Variants in TTC38 observed in about 807,000 individuals in gnomAD.
TTC38 encodes tetratricopeptide repeat protein 38.
TTC38 carries 64 observed loss-of-function variants against 64.2 expected under a neutral mutation model. The observed-to-expected ratio is 1.00, with a 90% CI of 0.81 to 1.23. The LOEUF (loss-of-function observed/expected upper bound fraction) is 1.23, where lower values mean the gene tolerates loss of function less well. Among genes scored for constraint, TTC38 ranks in the 50% most tolerant of loss-of-function variants. The pLI is 0.00. For synonymous variants in TTC38, 254 were observed against 249.3 expected (o/e 1.02, Z -0.18); for missense variants, 573 against 615.5 (o/e 0.93, Z 0.73).
rs1245106358 is a variant in TTC38, at chr22:46,275,295, AC to A, written c.416del (p.Pro139ArgfsTer7). On this transcript the variant is annotated frameshift_variant, in exon 5 of 14. Transcript: ENST00000381031. LOFTEE classifies it high-confidence loss of function. The surrounding 1 kb of genome is among the most constrained non-coding windows in gnomAD (Gnocchi z 4.5). ...CTATGGGAACAGATTCTCCAGGACC[AC>A]CCGACAGACATGTTGGCCCTGAAAT... is the stretch of plus-strand genomic sequence containing the variant. ...CELWEQILQD[H>X]PTDMLALKFS... 6.2e-7 allele frequency: 1 copy of A among 1,614,140 alleles called. No homozygotes were observed. Among genetic ancestry groups the A allele is most frequent in the South Asian group, 1.1e-5 (1 of 91,078 alleles).
Position 46,289,743 on chromosome 22 carries a change from A to G in TTC38, c.1243-83A>G, listed in dbSNP as rs2077599555. 6 of 1,522,602 alleles carry G rather than the reference A, an allele frequency of 3.9e-6. No individual in the cohort carries two copies. The Admixed American group carries it at 1.0e-4, about 25-fold the overall frequency. The allele number at this position is 1,522,602 out of a possible 1,614,324, so 94.3% of individuals were successfully genotyped here. On this transcript the variant is annotated intron_variant, in intron 12 of 13. Coordinates refer to ENST00000381031, the MANE Select transcript of TTC38 (RefSeq NM_017931.4). Reference sequence around the variant, plus strand: ...GGCATCAACACCACTGTCTCCCTGGAGAGCAGGCAGCCCGCGGTGGGCGGG... The same window carrying G: ...GGCATCAACACCACTGTCTCCCTGGGGAGCAGGCAGCCCGCGGTGGGCGGG...
rs1261263039 is a variant in TTC38, at chr22:46,292,579, G to A, written c.1317-212G>A. Among the ~76,000 whole-genome samples the A allele has an allele frequency of 2.0e-5, 3 of 152,270 alleles. No homozygotes were observed. Among genetic ancestry groups the A allele is most frequent in the East Asian group, 3.9e-4 (2 of 5,180 alleles). On this transcript the variant is annotated intron_variant, in intron 13 of 13. Transcript: ENST00000381031. This position sits in a 1 kb window ranked among gnomAD's most constrained non-coding sequence, Gnocchi z 6.5. ...ACTGCCACCTGTTGTGCCCCATCTC[G>A]GGTGTGGCTTCCTGCACTGGAGGTC...
Position 46,289,454 on chromosome 22 carries a change from C to T in TTC38, c.1135C>T (p.Leu379=). The change falls in exon 12 of 14, where the codon CTG becomes TTG. Residue 379 remains leucine, a synonymous_variant. Coordinates refer to ENST00000381031, the MANE Select transcript of TTC38 (RefSeq NM_017931.4). ...HLLARDVGLP[L]CQALVEAEDG... Reference sequence around the variant, plus strand: ...CCTGGCCCGAGACGTGGGGCTGCCCCTGTGCCAGGCCCTGGTGGAGGCTGA... The same window carrying T: ...CCTGGCCCGAGACGTGGGGCTGCCCTTGTGCCAGGCCCTGGTGGAGGCTGA... 6.2e-7 allele frequency: 1 copy of T among 1,609,744 alleles called. No individual in the cohort carries two copies.
At position 46,291,311 on chromosome 22, in the gene TTC38, G is replaced by A. The variant is rs2077613268; in HGVS notation, c.1316+1412G>A. Reference sequence around the variant, plus strand: ...AAGTGGCTGTGTGGACAGGAGGGCTGAGGATGGAGCTGGGGTGACATCTGT... The same window carrying A: ...AAGTGGCTGTGTGGACAGGAGGGCTAAGGATGGAGCTGGGGTGACATCTGT... On this transcript the variant is annotated intron_variant, in intron 13 of 13. Transcript: ENST00000381031. The surrounding 1 kb of genome is among the most constrained non-coding windows in gnomAD (Gnocchi z 4.6). Among the ~76,000 whole-genome samples, 1 of 152,228 alleles carries A rather than the reference G, an allele frequency of 6.6e-6. No homozygotes were observed. The highest frequency in any genetic ancestry group is 2.4e-5 in the African/African-American group (1 of 41,454).
In TTC38 at chr22:46,293,531, G is replaced by C. The variant is rs2077631758; in HGVS notation, c.*647G>C. The C allele has an allele frequency of 6.6e-6, 1 of 152,282 alleles. No individual in the cohort carries two copies. Among genetic ancestry groups the C allele is most frequent in the Non-Finnish European group, 1.5e-5 (1 of 68,120 alleles). 9.4% of individuals were successfully genotyped at this position (152,282 alleles called of 1,614,324 possible). ...TTCTGCTGTCTCTGGGGCGAGTCTT[G>C]GAGCCCCCTGGGGGGCTCTGTTGGT... On this transcript the variant is annotated 3_prime_UTR_variant, in exon 14 of 14. Transcript: ENST00000381031. The surrounding 1 kb of genome is among the most constrained non-coding windows in gnomAD (Gnocchi z 6.6).
In TTC38 at chr22:46,292,098, G is replaced by A. The variant is rs2077620500; in HGVS notation, c.1317-693G>A. ...GCTGAGGCCTCTCTTCCTGGCTTGT[G>A]GACAGCCACTTTCTTGCTGTGTCCT... On this transcript the variant is annotated intron_variant, in intron 13 of 13. Transcript: ENST00000381031. The surrounding 1 kb of genome is among the most constrained non-coding windows in gnomAD (Gnocchi z 6.5). The A allele has an allele frequency of 2.8e-5, 10 of 356,914 alleles. No individual in the cohort carries two copies. Among genetic ancestry groups the A allele is most frequent in the Non-Finnish European group, 2.7e-5 (5 of 182,794 alleles). The allele number at this position is 356,914 out of a possible 1,614,324, so 22.1% of individuals were successfully genotyped here. A position where few individuals can be genotyped will look rare whatever the true frequency, so the allele number is the denominator to read the frequency against.
intron 6 of TTC38, among the ~76,000 whole-genome samples, chr22:46,279,551 C>T (rs1569019991): frequency 6.6e-6 from 1 of 152,374 alleles, no homozygotes; most frequent in East Asian, 1.9e-4. Context: ...CAGGCCCTGC[C>T]TCCCAACATC....
intron 7 of TTC38, 58 bp from the exon 8 acceptor site, chr22:46,283,915 T>G: frequency 7.7e-7 from 1 of 1,293,408 alleles, no homozygotes; most frequent in South Asian, 1.3e-5. Flanking sequence ...ACAACATTTG[T>G]TTTTTTCCCA....
intron 9 of TTC38, among the ~76,000 whole-genome samples, 190 bp from the exon 10 acceptor site, chr22:46,286,883 C>T (rs938221103): frequency 6.6e-6 from 1 of 152,100 alleles, no homozygotes; most frequent in Non-Finnish European, 1.5e-5. Flanking sequence ...CCTGGTGACC[C>T]CTCTAGTGCT....
chr22:46,278,589 T>C lies in TTC38; in HGVS notation c.543T>C (p.Tyr181=), dbSNP rs1213518086. The C allele has an allele frequency of 1.9e-6, 3 of 1,613,878 alleles. No homozygotes were observed. The highest frequency in any genetic ancestry group is 1.1e-5 in the South Asian group (1 of 91,074). Residue 181 remains tyrosine (Y), a synonymous_variant, in exon 6 of 14, where the codon TAT becomes TAC. Coordinates refer to ENST00000381031, the MANE Select transcript of TTC38 (RefSeq NM_017931.4). ...AGATCTTTTTTTCTGTTTTTAGCTA[T>C]GTGAAAGGCATCTACTCTTTTGGCT... ...FWTPDIPLSS[Y]VKGIYSFGLM...
intron 11 of TTC38, among the ~76,000 whole-genome samples, chr22:46,288,955 G>A (rs1396385684): frequency 6.6e-6 from 1 of 152,210 alleles, no homozygotes; most frequent in African/African-American, 2.4e-5. Flanking sequence ...AGGTGCTTCT[G>A]TGCTCTGAAC....
At position 46,286,617 on chromosome 22, in the gene TTC38, C is replaced by T. The variant is rs74347953; in HGVS notation, c.835-456C>T. On this transcript the variant is annotated intron_variant, in intron 9 of 13. Transcript: ENST00000381031. ...CGGAGGTTGCAGTTAGCCAAGCTTGCGCCATTTGCACTCCAGCCTGGGCGA... is the reference window on the plus strand; with the variant it reads ...CGGAGGTTGCAGTTAGCCAAGCTTGTGCCATTTGCACTCCAGCCTGGGCGA... Among the ~76,000 whole-genome samples, 742 of 150,794 alleles carry T rather than the reference C, an allele frequency of 4.9e-3. 7 individuals are homozygous for T. The highest frequency in any genetic ancestry group is 0.017 in the African/African-American group (679 of 41,034).
Position 46,274,750 on chromosome 22 carries a change from T to A in TTC38, c.366-498T>A, listed in dbSNP as rs951161939. 6.7e-5 allele frequency among the ~76,000 whole-genome samples: 10 copies of A among 149,974 alleles called. No individual in the cohort carries two copies. The highest frequency in any genetic ancestry group is 2.0e-4 in the African/African-American group (8 of 39,578). ...TGTTAAACCAGTTTTTTTTTTTTTT[T>A]AAATTGAACTAAAGAGTAAAAGTTC... On this transcript the variant is annotated intron_variant, in intron 4 of 13. Coordinates refer to ENST00000381031, the MANE Select transcript of TTC38 (RefSeq NM_017931.4). The surrounding 1 kb of genome is among the most constrained non-coding windows in gnomAD (Gnocchi z 4.8).
At chr22:46,278,522 G>A in intron 5 of TTC38, 64 bp from the exon 6 acceptor site, 5 of 1,392,308 alleles carry the variant, frequency 3.6e-6, no homozygotes, top group South Asian at 1.2e-5. Flanking sequence ...TCTTTGCGGG[G>A]ACACAGTTCA....
At position 46,283,956 on chromosome 22, in the gene TTC38, T is replaced by C. The variant is rs758960885; in HGVS notation, c.736-17T>C. On this transcript the variant is annotated splice_polypyrimidine_tract_variant and intron_variant, in intron 7 of 13. Transcript: ENST00000381031. The stretch of plus-strand genomic sequence containing the variant: ...CTTCAGACTTTTCATAAATTCTCTT[T>C]TTTTTTTTTTCTCCAGGACTCTGAT... The C allele has an allele frequency of 1.3e-6, 2 of 1,566,100 alleles. No homozygotes were observed. The highest frequency in any genetic ancestry group is 2.3e-5 in the East Asian group (1 of 44,246).
chr22:46,288,340 G>T, intron 10 of TTC38, 83 bp from the exon 11 acceptor site: 1 of 1,444,912 alleles, frequency 6.9e-7, no homozygotes, highest in African/African-American at 1.4e-5. Context: ...GGCCTCCAAG[G>T]GAAGCGCCGT....
chr22:46,284,471 G>A (rs1014119957), intron 8 of TTC38, among the ~76,000 whole-genome samples: 7 of 152,194 alleles, frequency 4.6e-5, no homozygotes, highest in African/African-American at 1.2e-4. Flanking sequence ...TGTCCATAAA[G>A]TGAGAAATGC....
At position 46,270,967 on chromosome 22, in the gene TTC38, G is replaced by A. The variant is rs1248563326; in HGVS notation, c.112-1368G>A. Among the ~76,000 whole-genome samples the A allele has an allele frequency of 1.3e-5, 2 of 152,092 alleles. No individual in the cohort carries two copies. The highest frequency in any genetic ancestry group is 1.9e-4 in the East Asian group (1 of 5,188). On this transcript the variant is annotated intron_variant, in intron 2 of 13. Coordinates refer to ENST00000381031, the MANE Select transcript of TTC38 (RefSeq NM_017931.4). The surrounding 1 kb of genome is among the most constrained non-coding windows in gnomAD (Gnocchi z 4.7). ...GCAGAGGTTGCAGTGAGCCAAGATC[G>A]TGCCATTGCACTCCAGCCTGGGTGA...
In TTC38 at chr22:46,293,194, G is replaced by T; in HGVS notation, c.*310G>T. The T allele has an allele frequency of 2.9e-6, 1 of 342,686 alleles. No individual in the cohort carries two copies. 21.2% of individuals were successfully genotyped at this position (342,686 alleles called of 1,614,324 possible). On this transcript the variant is annotated 3_prime_UTR_variant, in exon 14 of 14. Transcript: ENST00000381031. This position sits in a 1 kb window ranked among gnomAD's most constrained non-coding sequence, Gnocchi z 6.6. ...GTGTCTACTGCCTGGTGGTTCAAAG[G>T]TTGGAAGGCAGGGCAGAGGTGGGGG...
Sources: gnomAD v4.1 joint callset for allele counts (sites outside exome capture counted in the v4.1 genomes callset) on GRCh38, gnomAD v4.1.1 for gene constraint, Gnocchi (gnomAD v3.1) non-coding constraint, MANE v1.5 for transcripts, NCBI Gene and HGNC (gene_info 2026-07-23, HGNC 2026-07-21) for gene names.